The following PTPRD variants were observed in gnomAD, a reference collection of about 807,000 sequenced individuals.
PTPRD encodes the protein protein tyrosine phosphatase receptor type D, also known as receptor-type tyrosine-protein phosphatase delta.
PTPRD carries 34 observed loss-of-function variants against 214.5 expected under a neutral mutation model. The ratio of observed to expected loss-of-function variants is 0.16; its 90% CI spans 0.12 to 0.21. PTPRD has a LOEUF of 0.21. Among genes scored for constraint, PTPRD ranks in the 10% least tolerant of loss-of-function variants. PTPRD has a pLI of 1.00. For missense variants in PTPRD, 2,545 were observed against 2,398.7 expected, an observed-to-expected ratio of 1.06 and a Z score of -1.27; for synonymous variants, 1,128 against 845.7, an observed-to-expected ratio of 1.33 and a Z score of -5.79.
intron 32 of PTPRD, among the ~76,000 whole-genome samples, chr9:8,462,744 C>T (rs145295887): frequency 6.6e-6 from 1 of 151,778 alleles, no homozygotes; most frequent in Non-Finnish European, 1.5e-5. Flanking sequence ...TTCCCCTCTA[C>T]TAAAAAAACC....
intron 7 of PTPRD, among the ~76,000 whole-genome samples, chr9:9,686,281 A>T (rs1481362598): frequency 1.5e-5 from 2 of 135,662 alleles, no homozygotes; most frequent in Non-Finnish European, 3.3e-5. Flanking sequence ...CATATTTGAG[A>T]TGTATGTATG....
At chr9:9,960,222 G>GAAA (rs35855733) in intron 4 of PTPRD, among the ~76,000 whole-genome samples, 6 of 124,250 alleles carry the variant, frequency 4.8e-5, no homozygotes, top group South Asian at 2.7e-4. Context: ...ATGAAAATTT[G>GAAA]AAAAAAAAAA....
chr9:8,807,148 G>A (rs1425544731), intron 11 of PTPRD, among the ~76,000 whole-genome samples: 1 of 152,076 alleles, frequency 6.6e-6, no homozygotes, highest in Non-Finnish European at 1.5e-5. Flanking sequence ...ACCAGCCTGG[G>A]TAACACGGTG....
intron 44 of PTPRD, among the ~76,000 whole-genome samples, chr9:8,328,083 C>G (rs1483905963): frequency 6.6e-6 from 1 of 152,220 alleles, no homozygotes; most frequent in East Asian, 1.9e-4. Flanking sequence ...GGTTATTTGA[C>G]TATTAATTGA....
chr9:8,950,320 T>G (rs965838677), intron 11 of PTPRD, among the ~76,000 whole-genome samples: 2 of 152,090 alleles, frequency 1.3e-5, no homozygotes, highest in Admixed American at 6.6e-5. Context: ...GGGCAAAATT[T>G]TAAGTGCAAA....
At chr9:10,047,340 GTGTGTGTGTGTGCT>G (rs2097424510) in intron 3 of PTPRD, among the ~76,000 whole-genome samples, 43 of 146,590 alleles carry the variant, frequency 2.9e-4, no homozygotes, top group Middle Eastern at 3.4e-3. Context: ...GTGTGTGTGC[GTGTGTGTGTGTGCT>G]TGTGTGATAA....
intron 10 of PTPRD, among the ~76,000 whole-genome samples, chr9:9,125,773 T>C (rs1348449600): frequency 6.6e-6 from 1 of 152,158 alleles, no homozygotes; most frequent in Non-Finnish European, 1.5e-5. Context: ...TAGAACTATA[T>C]ATACTCCAAG....
intron 4 of PTPRD, among the ~76,000 whole-genome samples, chr9:9,981,457 C>T: frequency 6.6e-6 from 1 of 151,252 alleles, no homozygotes; most frequent in Non-Finnish European, 1.5e-5. Flanking sequence ...AGGGTTCAAG[C>T]CATTCTCCTG....
At chr9:9,605,270 G>A (rs1231885521) in intron 7 of PTPRD, among the ~76,000 whole-genome samples, 2 of 151,966 alleles carry the variant, frequency 1.3e-5, no homozygotes, top group Admixed American at 6.6e-5. Context: ...TATGTATAAA[G>A]CACTCTGCTA....
At chr9:9,958,026 G>A (rs1350800131) in intron 4 of PTPRD, among the ~76,000 whole-genome samples, 1 of 139,880 alleles carries the variant, frequency 7.1e-6, no homozygotes, top group African/African-American at 2.5e-5. Flanking sequence ...ATTTGTGTAT[G>A]TGTAAGAGAG....
chr9:10,326,029 C>T (rs1469692536), intron 3 of PTPRD, among the ~76,000 whole-genome samples: 1 of 151,422 alleles, frequency 6.6e-6, no homozygotes, highest in East Asian at 2.0e-4. Flanking sequence ...TTGTCCAAAC[C>T]GAGATTTTGA....
chr9:8,984,258 A>T (rs2099328513), intron 11 of PTPRD, among the ~76,000 whole-genome samples: 1 of 152,030 alleles, frequency 6.6e-6, no homozygotes, highest in African/African-American at 2.4e-5. Flanking sequence ...CATTTTATAA[A>T]TTTTTAGTAC....
intron 3 of PTPRD, among the ~76,000 whole-genome samples, chr9:10,113,640 G>A (rs1457309423): frequency 6.6e-6 from 1 of 152,186 alleles, no homozygotes; most frequent in African/African-American, 2.4e-5. Flanking sequence ...CAAAGCGACT[G>A]TTTACAAGTG....
chr9:10,507,333 T>C (rs1055285035), intron 2 of PTPRD, among the ~76,000 whole-genome samples: 3 of 152,134 alleles, frequency 2.0e-5, no homozygotes, highest in Non-Finnish European at 4.4e-5. Context: ...TCCATGCTCA[T>C]GGATAGGAAG....
rs578256928 is a variant in PTPRD at position 9,272,431 on chromosome 9, G to GACTT, written c.-202-89072_-202-89069dup. Among the ~76,000 whole-genome samples the GACTT allele has an allele frequency of 2.0e-5, 3 of 151,306 alleles. No individual in the cohort carries two copies. In the South Asian group the frequency reaches 6.2e-4, roughly 31 times the overall value. Reference sequence around the variant, plus strand: ...ACTACAAGCAGTACTGTTGGGTACTGACTTAATATTAGCGGGAATTTACAA... The same window carrying GACTT: ...ACTACAAGCAGTACTGTTGGGTACTGACTTACTTAATATTAGCGGGAATTTACAA... On this transcript the variant is annotated intron_variant, in intron 9 of 45. Transcript: ENST00000381196.
chr9:9,975,572 G>A (rs2095322207), intron 4 of PTPRD, among the ~76,000 whole-genome samples: 1 of 152,178 alleles, frequency 6.6e-6, no homozygotes, highest in Non-Finnish European at 1.5e-5. Flanking sequence ...TCGTGAAACA[G>A]AGTACGTATT....
intron 3 of PTPRD, among the ~76,000 whole-genome samples, chr9:10,206,442 T>A (rs995193865): frequency 4.6e-5 from 7 of 152,206 alleles, no homozygotes; most frequent in African/African-American, 1.7e-4. Flanking sequence ...TGACATTATA[T>A]ATCAGGCTAT....
chr9:9,907,024 T>A (rs1223850065), intron 5 of PTPRD, among the ~76,000 whole-genome samples: 1 of 151,782 alleles, frequency 6.6e-6, no homozygotes, highest in African/African-American at 2.4e-5. Context: ...CTAAGTTTTC[T>A]TATTTTAAAT....
intron 7 of PTPRD, among the ~76,000 whole-genome samples, chr9:9,577,765 T>C (rs567255788): frequency 6.6e-6 from 1 of 151,550 alleles, no homozygotes; most frequent in East Asian, 2.0e-4. Flanking sequence ...ATTGGATCAG[T>C]CCGGGCACGG....
Sources: gnomAD v4.1 joint callset for allele counts (sites outside exome capture counted in the v4.1 genomes callset) on GRCh38, gnomAD v4.1.1 for gene constraint, MANE v1.5 for transcripts, NCBI Gene and HGNC (gene_info 2026-07-23, HGNC 2026-07-21) for gene names.